Variants in ADGRG6 observed in about 807,000 individuals in gnomAD.
ADGRG6 encodes the protein G-protein coupled receptor 126.
In ADGRG6, 84 loss-of-function variants were observed where a neutral mutation model predicts 142.4. The ratio of observed to expected loss-of-function variants is 0.59; its 90% CI spans 0.49 to 0.71. The LOEUF is 0.71. Ranked by LOEUF, ADGRG6 falls within the 30% of genes least tolerant of loss-of-function variation. The pLI is 0.00. For synonymous variants in ADGRG6, 521 were observed against 520.5 expected (o/e 1.00, Z -0.01); for missense variants, 1,367 against 1,466.6 (o/e 0.93, Z 1.11).
At chr6:142,332,794 A>G (rs1177716330) in intron 2 of ADGRG6, among the ~76,000 whole-genome samples, 1 of 152,204 alleles carries the variant, frequency 6.6e-6, no homozygotes, top group Non-Finnish European at 1.5e-5. Context: ...CCCAAGCAAC[A>G]AGTAAAGGAC....
At chr6:142,439,915 T>C (rs980339700) in intron 24 of ADGRG6, among the ~76,000 whole-genome samples, 1 of 152,200 alleles carries the variant, frequency 6.6e-6, no homozygotes, top group African/African-American at 2.4e-5. Context: ...TAATGAATTA[T>C]TTTTTTCACT....
intron 22 of ADGRG6, 29 bp downstream of exon 22, chr6:142,420,133 T>G (rs754563936): frequency 6.4e-7 from 1 of 1,558,234 alleles, no homozygotes; most frequent in East Asian, 2.3e-5. Context: ...GAATAGTCTC[T>G]GCTTTCTAAT....
chr6:142,399,160 T>C (rs1241451389), intron 10 of ADGRG6, among the ~76,000 whole-genome samples: 2 of 152,146 alleles, frequency 1.3e-5, no homozygotes, highest in Non-Finnish European at 2.9e-5. Flanking sequence ...CCCTTCGCCT[T>C]CTCTACACTC....
intron 2 of ADGRG6, among the ~76,000 whole-genome samples, chr6:142,325,227 C>G (rs907407306): frequency 6.6e-5 from 10 of 152,126 alleles, no homozygotes; most frequent in Non-Finnish European, 1.2e-4. Flanking sequence ...ATCTTCCTGT[C>G]TTTTCTTGAC....
chr6:142,405,313 T>A (rs1356335793), intron 14 of ADGRG6: 2 of 458,010 alleles, frequency 4.4e-6, no homozygotes, highest in Non-Finnish European at 8.7e-6. Context: ...CTCTTTCTCT[T>A]TCTCTCTCCC....
chr6:142,419,315 G>A (rs889873202), intron 21 of ADGRG6, among the ~76,000 whole-genome samples: 9 of 152,098 alleles, frequency 5.9e-5, no homozygotes, highest in Non-Finnish European at 8.8e-5. Context: ...TCACTTGCAC[G>A]TTTGAAGCAG....
chr6:142,415,727 A>G (rs561979073), intron 19 of ADGRG6, 69 bp from the exon 20 acceptor site: 5 of 1,067,002 alleles, frequency 4.7e-6, no homozygotes, highest in South Asian at 2.8e-5. Context: ...ACGAATTTAT[A>G]CAGGCCTGTG....
chr6:142,428,527 T>C (rs1353534937), intron 22 of ADGRG6, among the ~76,000 whole-genome samples: 1 of 152,102 alleles, frequency 6.6e-6, no homozygotes, highest in Non-Finnish European at 1.5e-5. Flanking sequence ...TGAGACTGGG[T>C]AATTTATAAA....
At chr6:142,399,625 G>A (rs1183967508) in intron 10 of ADGRG6, among the ~76,000 whole-genome samples, 7 of 152,056 alleles carry the variant, frequency 4.6e-5, no homozygotes, top group Admixed American at 6.6e-5. Flanking sequence ...TAAATTATCC[G>A]TTTTATTGTT....
intron 15 of ADGRG6, among the ~76,000 whole-genome samples, chr6:142,406,491 T>A (rs1775815046): frequency 6.6e-6 from 1 of 152,194 alleles, no homozygotes; most frequent in Admixed American, 6.5e-5. Flanking sequence ...ATTCAAGATA[T>A]CATTGCATAT....
Position 142,309,560 on chromosome 6 carries a change from C to A in ADGRG6, c.19C>A (p.Arg7=). The A allele has an allele frequency of 6.2e-7, 1 of 1,608,288 alleles. No homozygotes were observed. The highest frequency in any genetic ancestry group is 8.5e-7 in the Non-Finnish European group (1 of 1,176,744). MMFRSD[R]MWSCHWKWKP... is the part of the protein sequence containing the mutation. ...TCTTTGCAGGATGTTTCGCTCAGAT[C>A]GAATGTGGAGCTGCCATTGGAAATG... is the stretch of plus-strand genomic sequence containing the variant. The change falls in exon 2 of 25, where the codon CGA becomes AGA. Residue 7 remains arginine, a synonymous_variant. Coordinates refer to ENST00000367609, the MANE Select transcript of ADGRG6 (RefSeq NM_198569.3).
chr6:142,324,108 G>A (rs1256500721), intron 2 of ADGRG6, among the ~76,000 whole-genome samples: 1 of 152,018 alleles, frequency 6.6e-6, no homozygotes, highest in Non-Finnish European at 1.5e-5. Flanking sequence ...TTGTCTGACT[G>A]TATTTTTTGA....
Position 142,411,366 on chromosome 6 carries a change from G to A in ADGRG6, c.2496G>A (p.Glu832=). 1 of 1,608,668 alleles carries A rather than the reference G, an allele frequency of 6.2e-7. No homozygotes were observed. The highest frequency in any genetic ancestry group is 1.1e-5 in the South Asian group (1 of 90,956). ...CVAHRDSDAS[E]TVCLCNHFTH... is the part of the protein sequence containing the mutation. Reference sequence around the variant, plus strand: ...CACACAGAGATTCAGATGCAAGTGAGACAGTCTGCCTGTGTAACCACTTCA... The same window carrying A: ...CACACAGAGATTCAGATGCAAGTGAAACAGTCTGCCTGTGTAACCACTTCA... The change falls in exon 18 of 25, where the codon GAG becomes GAA. Residue 832 remains glutamate, a synonymous_variant. Coordinates refer to ENST00000367609, the MANE Select transcript of ADGRG6 (RefSeq NM_198569.3).
intron 1 of ADGRG6, among the ~76,000 whole-genome samples, chr6:142,303,077 A>G (rs771690170): frequency 9.6e-4 from 146 of 152,346 alleles, no homozygotes; most frequent in Non-Finnish European, 1.6e-3. Context: ...AGAATGGGAA[A>G]AGGAAGATTG....
intron 2 of ADGRG6, among the ~76,000 whole-genome samples, chr6:142,313,959 G>T (rs1057345784): frequency 1.3e-5 from 2 of 152,204 alleles, no homozygotes; most frequent in East Asian, 1.9e-4. Context: ...GGCTCTAATT[G>T]TACAGACCAT....
chr6:142,421,385 T>C (rs1345926958), intron 22 of ADGRG6, among the ~76,000 whole-genome samples: 1 of 152,198 alleles, frequency 6.6e-6, no homozygotes, highest in East Asian at 1.9e-4. Flanking sequence ...CTTTAGTCCA[T>C]AGAATAAGCC....
intron 5 of ADGRG6, among the ~76,000 whole-genome samples, chr6:142,382,769 CT>C (rs2114933822): frequency 6.6e-6 from 1 of 152,190 alleles, no homozygotes; most frequent in African/African-American, 2.4e-5. Context: ...ACAGCCATGC[CT>C]TTTGTAAAAG....
In ADGRG6 at chr6:142,316,194, C is replaced by T. The variant is rs186817317; in HGVS notation, c.103+6550C>T. Among the ~76,000 whole-genome samples, 226 of 152,186 alleles carry T rather than the reference C, an allele frequency of 1.5e-3. 1 individual carries two copies. Among genetic ancestry groups the T allele is most frequent in the African/African-American group, 5.1e-3 (213 of 41,532 alleles). ...AATGATATGCTTTATAAAAAAATTA[C>T]ATAATTTTCTGCAATAAATTATTAT... On this transcript the variant is annotated intron_variant, in intron 2 of 24. Coordinates refer to ENST00000367609, the MANE Select transcript of ADGRG6 (RefSeq NM_198569.3).
chr6:142,373,256 T>A (rs1266045626), intron 4 of ADGRG6, among the ~76,000 whole-genome samples: 2 of 152,140 alleles, frequency 1.3e-5, no homozygotes, highest in African/African-American at 4.8e-5. Context: ...GATATTAGAT[T>A]TAGTACCAGG....
Sources: gnomAD v4.1 joint callset for allele counts (sites outside exome capture counted in the v4.1 genomes callset) on GRCh38, gnomAD v4.1.1 for gene constraint, MANE v1.5 for transcripts, NCBI Gene and HGNC (gene_info 2026-07-23, HGNC 2026-07-21) for gene names.